TIAM2: variants seen among roughly 807,000 people sequenced by gnomAD.
TIAM2 encodes the protein TIAM Rac1 associated GEF 2.
A neutral mutation model predicts 152.9 loss-of-function variants in TIAM2; 80 were observed. The ratio of observed to expected loss-of-function variants is 0.52; its 90% confidence interval spans 0.44 to 0.63. The LOEUF is 0.63. Among genes scored for constraint, TIAM2 ranks in the 30% least tolerant of loss-of-function variants. The probability of loss-of-function intolerance (pLI) is 0.00; values close to 1 mark genes in which losing one functional copy is unlikely to be tolerated. For missense variants in TIAM2, 1,965 were observed against 2,120.1 expected (o/e 0.93, Z 1.44); for synonymous variants, 804 against 838.0 (o/e 0.96, Z 0.70).
intron 14 of TIAM2, among the ~76,000 whole-genome samples, chr6:155,187,605 G>GTTTTTTTTTTT (rs1781079225): frequency 3.1e-5 from 2 of 65,044 alleles, no homozygotes; most frequent in Non-Finnish European, 5.7e-5. Context: ...TTGAGATGAA[G>GTTTTTTTTTTT]TTTTGCTCTT....
chr6:155,246,517 C>T (rs991077198), intron 19 of TIAM2, among the ~76,000 whole-genome samples: 2 of 152,042 alleles, frequency 1.3e-5, no homozygotes, highest in Admixed American at 1.3e-4. Context: ...TAAAAATGTT[C>T]GTAGAAATGG....
chr6:155,217,088 C>T (rs1562357322), intron 15 of TIAM2: 2 of 1,289,498 alleles, frequency 1.6e-6, no homozygotes, highest in Non-Finnish European at 2.0e-6. Flanking sequence ...TTATGTACAG[C>T]ATGTAAGTAA....
chr6:155,122,532 T>TC (rs1327069751), intron 2 of TIAM2, among the ~76,000 whole-genome samples: 1 of 141,266 alleles, frequency 7.1e-6, no homozygotes, highest in African/African-American at 2.9e-5. Context: ...GGATTTTTTT[T>TC]TTTTGTTCTA....
chr6:155,248,996 T>C (rs918267621), intron 20 of TIAM2, among the ~76,000 whole-genome samples: 4 of 152,352 alleles, frequency 2.6e-5, no homozygotes, highest in Non-Finnish European at 5.9e-5. Context: ...AGCATTTTTG[T>C]ATGACAGTTA....
At chr6:155,105,141 A>G (rs28705817) in intron 2 of TIAM2, among the ~76,000 whole-genome samples, 1 of 151,948 alleles carries the variant, frequency 6.6e-6, no homozygotes, top group South Asian at 2.1e-4. Context: ...TATTTTTAGT[A>G]GAGATGGGGT....
intron 1 of TIAM2, among the ~76,000 whole-genome samples, chr6:155,069,122 T>G (rs1225311654): frequency 6.6e-6 from 1 of 151,886 alleles, no homozygotes. Flanking sequence ...TAAGACAGAG[T>G]CTTGCTCTGT....
intron 1 of TIAM2, among the ~76,000 whole-genome samples, chr6:155,080,569 A>T (rs549178050): frequency 2.5e-4 from 38 of 151,900 alleles, no homozygotes; most frequent in African/African-American, 8.7e-4. Context: ...CCTCCTGAGT[A>T]GCTAGGATTA....
chr6:155,231,565 C>A (rs76794643), intron 15 of TIAM2, among the ~76,000 whole-genome samples: 3 of 152,338 alleles, frequency 2.0e-5, no homozygotes, highest in Non-Finnish European at 4.4e-5. Flanking sequence ...CTCCACTCCA[C>A]GGAGCATGCC....
intron 1 of TIAM2, among the ~76,000 whole-genome samples, chr6:155,071,296 C>T (rs1197917250): frequency 6.6e-6 from 1 of 152,198 alleles, no homozygotes; most frequent in Non-Finnish European, 1.5e-5. Flanking sequence ...CATCAAGATC[C>T]AGAGAACACC....
At chr6:154,999,966 C>T (rs143362904) in intron 1 of TIAM2, among the ~76,000 whole-genome samples, 169 of 152,154 alleles carry the variant, frequency 1.1e-3, no homozygotes, top group African/African-American at 3.8e-3. Flanking sequence ...TGTGAGCCAC[C>T]GCGCCCAACC....
At chr6:155,255,810 CCAACCTGGGCAA>C (rs1783971834) in intron 26 of TIAM2, 1 of 152,394 alleles carries the variant, frequency 6.6e-6, no homozygotes, top group South Asian at 2.1e-4. Context: ...GAGTTTGAGA[CCAACCTGGGCAA>C]CATGGCAAAA....
intron 15 of TIAM2, among the ~76,000 whole-genome samples, chr6:155,226,028 C>T (rs1357243406): frequency 6.6e-6 from 1 of 152,190 alleles, no homozygotes; most frequent in Non-Finnish European, 1.5e-5. Flanking sequence ...ACTTTCCTCC[C>T]AGAAGCTACA....
At chr6:155,032,783 C>T (rs1166450005) in intron 1 of TIAM2, among the ~76,000 whole-genome samples, 3 of 152,096 alleles carry the variant, frequency 2.0e-5, no homozygotes, top group African/African-American at 7.2e-5. Flanking sequence ...TCAGGTGATC[C>T]GCCCACCTCG....
chr6:155,123,613 A>G (rs1779224035), intron 2 of TIAM2, among the ~76,000 whole-genome samples: 1 of 152,242 alleles, frequency 6.6e-6, no homozygotes, highest in Non-Finnish European at 1.5e-5. Flanking sequence ...GCTGGGGCAG[A>G]AACTTCCACC....
Position 155,053,729 on chromosome 6 carries a change from C to T in TIAM2, c.-208-36560C>T, listed in dbSNP as rs560883673. Among the ~76,000 whole-genome samples the T allele has an allele frequency of 2.5e-4, 38 of 152,230 alleles. 1 individual carries two copies. The highest frequency in any genetic ancestry group is 9.1e-4 in the African/African-American group (38 of 41,564). On this transcript the variant is annotated intron_variant, in intron 1 of 26. Coordinates refer to ENST00000682666, the MANE Select transcript of TIAM2 (RefSeq NM_012454.4). Reference sequence around the variant, plus strand: ...CAAGTGATTCGCCTGCCTCAGCTTCCCAAAGTACTGGGATTACAGGAATGA... The same window carrying T: ...CAAGTGATTCGCCTGCCTCAGCTTCTCAAAGTACTGGGATTACAGGAATGA...
intron 2 of TIAM2, among the ~76,000 whole-genome samples, chr6:155,099,897 T>A (rs984043910): frequency 6.6e-6 from 1 of 152,252 alleles, no homozygotes; most frequent in Non-Finnish European, 1.5e-5. Context: ...GCTCCTAGGC[T>A]GCAAACCTGT....
chr6:155,011,478 C>T (rs549884977), intron 1 of TIAM2, among the ~76,000 whole-genome samples: 8 of 152,234 alleles, frequency 5.3e-5, no homozygotes, highest in African/African-American at 7.2e-5. Context: ...AAAACTTAGA[C>T]GATCACTTCA....
chr6:155,197,820 T>C (rs1450614337), intron 14 of TIAM2, among the ~76,000 whole-genome samples: 1 of 151,892 alleles, frequency 6.6e-6, no homozygotes, highest in Admixed American at 6.6e-5. Flanking sequence ...CAAGGTTAAA[T>C]TACCTCCCAC....
At chr6:155,205,473 C>T (rs1781574725) in intron 14 of TIAM2, among the ~76,000 whole-genome samples, 1 of 152,186 alleles carries the variant, frequency 6.6e-6, no homozygotes, top group African/African-American at 2.4e-5. Flanking sequence ...GGGAACTCTT[C>T]CCTACCTGTC....
Sources: allele counts gnomAD v4.1 joint callset (sites outside exome capture counted in the v4.1 genomes callset), GRCh38; gene constraint gnomAD v4.1.1; transcripts MANE v1.5; gene names NCBI Gene and HGNC (gene_info 2026-07-23, HGNC 2026-07-21).